The following FER variants were observed in gnomAD, a reference collection of about 807,000 sequenced individuals.
FER encodes the protein FER tyrosine kinase, also known as tyrosine-protein kinase Fer.
In FER, 63 loss-of-function variants were observed where a neutral mutation model predicts 111.0. The ratio of observed to expected loss-of-function variants is 0.57; its 90% CI spans 0.46 to 0.70. The LOEUF is 0.70. Ranked by LOEUF, FER falls within the 30% of genes least tolerant of loss-of-function variation. FER has a pLI of 0.00. For missense variants in FER, 914 were observed against 954.0 expected (o/e 0.96, Z 0.55); for synonymous variants, 327 against 313.9 (o/e 1.04, Z -0.44).
chr5:108,998,160 C>T (rs907168893), intron 13 of FER, among the ~76,000 whole-genome samples: 15 of 135,018 alleles, frequency 1.1e-4, no homozygotes, highest in East Asian at 7.0e-4. Context: ...GTCTTGCTGG[C>T]GTTCCAGGCA....
chr5:108,758,921 C>T (rs1259745590), intron 1 of FER, among the ~76,000 whole-genome samples: 1 of 152,104 alleles, frequency 6.6e-6, no homozygotes, highest in African/African-American at 2.4e-5. Context: ...AAAAAAATGC[C>T]CTCACCTATC....
intron 17 of FER, among the ~76,000 whole-genome samples, chr5:109,147,800 T>TATATATAG (rs1487827199): frequency 3.7e-4 from 44 of 118,608 alleles, no homozygotes; most frequent in Admixed American, 1.7e-3. Flanking sequence ...TATATATATA[T>TATATATAG]AGAGAGAGAG....
At chr5:108,992,840 ACACTC>A (rs1763416451) in intron 13 of FER, among the ~76,000 whole-genome samples, 1 of 136,500 alleles carries the variant, frequency 7.3e-6, no homozygotes. Context: ...CCGGGCAGAG[ACACTC>A]CTCACCTCCC....
At position 108,867,909 on chromosome 5, in the gene FER, G is replaced by A; in HGVS notation, c.624G>A (p.Leu208=). 1 of 1,611,820 alleles carries A rather than the reference G, an allele frequency of 6.2e-7. No homozygotes were observed. The highest frequency in any genetic ancestry group is 8.5e-7 in the Non-Finnish European group (1 of 1,179,152). The part of the protein sequence containing the change: ...QYYDITLPLL[L]DSLQKMQEEM... ...ATGATATCACACTTCCCCTGCTTCT[G>A]GACTCCTTACAAAAGATGCAAGAAG... Residue 208 remains leucine, a synonymous_variant, in exon 6 of 20, where the codon CTG becomes CTA. Transcript: ENST00000281092.
At chr5:108,779,497 T>C (rs1342753024) in intron 2 of FER, among the ~76,000 whole-genome samples, 2 of 152,212 alleles carry the variant, frequency 1.3e-5, no homozygotes, top group Non-Finnish European at 2.9e-5. Context: ...CTCATATTCA[T>C]CTTGAACATA....
intron 4 of FER, among the ~76,000 whole-genome samples, chr5:108,834,578 A>G (rs980552231): frequency 1.3e-5 from 2 of 151,564 alleles, no homozygotes; most frequent in African/African-American, 4.9e-5. Context: ...CACGTCTGTA[A>G]CCCCAGCCAC....
chr5:108,963,408 A>G (rs1759394507), intron 13 of FER, among the ~76,000 whole-genome samples: 1 of 152,048 alleles, frequency 6.6e-6, no homozygotes. Flanking sequence ...CTAAAAATAC[A>G]AAAATTAGCC....
chr5:108,873,546 T>C (rs1764810568), intron 8 of FER, among the ~76,000 whole-genome samples: 1 of 152,184 alleles, frequency 6.6e-6, no homozygotes, highest in Non-Finnish European at 1.5e-5. Flanking sequence ...AATTATGGCA[T>C]ACTGACTACT....
intron 16 of FER, among the ~76,000 whole-genome samples, chr5:109,058,700 C>A (rs189763291): frequency 7.7e-5 from 7 of 91,260 alleles, no homozygotes; most frequent in Non-Finnish European, 1.6e-4. Context: ...GTGCTATCTT[C>A]TTTTTCTTTT....
intron 10 of FER, among the ~76,000 whole-genome samples, chr5:108,922,401 A>G (rs1226192146): frequency 2.6e-5 from 4 of 152,216 alleles, no homozygotes. Flanking sequence ...TGTGAAGAGC[A>G]AAACCAGTGA....
At chr5:108,852,334 G>C (rs1762614895) in intron 5 of FER, among the ~76,000 whole-genome samples, 1 of 152,134 alleles carries the variant, frequency 6.6e-6, no homozygotes, top group Non-Finnish European at 1.5e-5. Context: ...AAACCAGTTT[G>C]AAATGAGTCC....
At chr5:108,797,576 A>G (rs1414227886) in intron 2 of FER, among the ~76,000 whole-genome samples, 1 of 151,898 alleles carries the variant, frequency 6.6e-6, no homozygotes, top group African/African-American at 2.4e-5. Context: ...CTCCAAGCAT[A>G]CTCTGTGCAC....
intron 10 of FER, among the ~76,000 whole-genome samples, chr5:108,907,017 T>C (rs1402295527): frequency 6.6e-6 from 1 of 152,144 alleles, no homozygotes; most frequent in African/African-American, 2.4e-5. Flanking sequence ...TTTAATTGCC[T>C]TTAGGTGGAT....
rs548499426 is a variant in FER at position 108,749,500 on chromosome 5, A to G, written c.-206+1500A>G. 1.2e-4 allele frequency among the ~76,000 whole-genome samples: 18 copies of G among 152,184 alleles called. No individual in the cohort carries two copies. The South Asian group carries it at 3.5e-3, about 30-fold the overall frequency. ...CTCATCTGGGCGCCGCCGTCCCGCT[A>G]CGGGGGCATTCTCAACCCCTGGTAT... On this transcript the variant is annotated intron_variant, in intron 1 of 19. Coordinates refer to ENST00000281092, the MANE Select transcript of FER (RefSeq NM_005246.4).
chr5:108,922,154 C>G (rs945149795), intron 10 of FER, among the ~76,000 whole-genome samples: 10 of 152,134 alleles, frequency 6.6e-5, no homozygotes, highest in African/African-American at 2.2e-4. Context: ...GAAGGGTTAT[C>G]CCCTAGAAAT....
chr5:109,100,304 G>A lies in FER; in HGVS notation c.1925-92G>A. The stretch of plus-strand genomic sequence containing the variant: ...CATGGCCAAATGTGTAATGCATTTT[G>A]CTCTGTCAAATATTCCTAATAGATC... On this transcript the variant is annotated intron_variant, in intron 16 of 19. Coordinates refer to ENST00000281092, the MANE Select transcript of FER (RefSeq NM_005246.4). The A allele has an allele frequency of 4.7e-6, 7 of 1,483,586 alleles. No homozygotes were observed. The East Asian group carries it at 9.2e-5, about 20-fold the overall frequency. 91.9% of individuals were successfully genotyped at this position (1,483,586 alleles called of 1,614,324 possible). A position where few individuals can be genotyped will look rare whatever the true frequency, so the allele number is the denominator to read the frequency against.
chr5:108,871,492 G>A lies in FER; in HGVS notation c.793G>A (p.Asp265Asn). The change falls in exon 7 of 20, where the codon GAT becomes AAT. Residue 265 changes from aspartate (D) to asparagine (N), a missense_variant. Coordinates refer to ENST00000281092, the MANE Select transcript of FER (RefSeq NM_005246.4). ...DPSTEYNNFI[D>N]VHRTTAAKEQ... Reference sequence around the variant, plus strand: ...TAGTACAGAATACAATAATTTCATAGATGTTCACAGGTATGACATGTTTAT... The same window carrying A: ...TAGTACAGAATACAATAATTTCATAAATGTTCACAGGTATGACATGTTTAT... 6.2e-7 allele frequency: 1 copy of A among 1,603,518 alleles called. No homozygotes were observed. The highest frequency in any genetic ancestry group is 8.5e-7 in the Non-Finnish European group (1 of 1,173,576).
intron 5 of FER, among the ~76,000 whole-genome samples, chr5:108,846,589 T>G (rs1171326805): frequency 6.6e-6 from 1 of 152,044 alleles, no homozygotes; most frequent in Non-Finnish European, 1.5e-5. Flanking sequence ...ATATATTTTT[T>G]ATTTATTTAT....
In FER at chr5:109,092,284, C is replaced by CAAAAAAAAAAAAAAAA. The variant is rs70999914; in HGVS notation, c.1925-8100_1925-8085dup. Among the ~76,000 whole-genome samples the CAAAAAAAAAAAAAAAA allele has an allele frequency of 4.9e-5, 2 of 40,424 alleles. 1 individual carries two copies. The allele number at this position is 40,424 out of a possible 152,430, so 26.5% of individuals were successfully genotyped here. ...ATCAATCTTAAAAACCTTATGATGG[C>CAAAAAAAAAAAAAAAA]AAAAAAAAAAAAAAAAAAAAAAAAA... On this transcript the variant is annotated intron_variant, in intron 16 of 19. Transcript: ENST00000281092.
Sources: gnomAD v4.1 joint callset for allele counts (sites outside exome capture counted in the v4.1 genomes callset) on GRCh38, gnomAD v4.1.1 for gene constraint, MANE v1.5 for transcripts, NCBI Gene and HGNC (gene_info 2026-07-23, HGNC 2026-07-21) for gene names.